The following IGSF11 variants were observed in gnomAD, a reference collection of about 807,000 sequenced individuals.
IGSF11 encodes the protein immunoglobulin superfamily member 11, also known as CXADR like 1.
A neutral mutation model predicts 41.0 loss-of-function variants in IGSF11; 22 were observed. The observed-to-expected ratio is 0.54, with a 90% confidence interval of 0.38 to 0.77. The LOEUF is 0.77. IGSF11 is among the 30% of genes least tolerant of loss of function. The pLI, the probability that IGSF11 is intolerant of heterozygous loss-of-function variation, is 0.00. For missense variants in IGSF11, 444 were observed against 530.8 expected (o/e 0.84, Z 1.61); for synonymous variants, 219 against 201.3 (o/e 1.09, Z -0.74).
chr3:119,059,474 A>G lies in IGSF11; in HGVS notation c.49+45670T>C, dbSNP rs1186805159. 2.6e-5 allele frequency among the ~76,000 whole-genome samples: 4 copies of G among 152,208 alleles called. No individual in the cohort carries two copies. The East Asian group carries it at 7.7e-4, about 29-fold the overall frequency. On this transcript the variant is annotated intron_variant, in intron 1 of 6. Coordinates refer to the IGSF11 transcript ENST00000354673. ...GGGTTCAGTGTACACTGCTCGGATG[A>G]TGGATGCACCAAAATGTCAGAATTC... is the stretch of plus-strand genomic sequence containing the variant.
chr3:118,950,471 T>C (rs1199616540), intron 1 of IGSF11, among the ~76,000 whole-genome samples: 3 of 152,156 alleles, frequency 2.0e-5, no homozygotes, highest in African/African-American at 7.2e-5. Context: ...TAAGGTAATA[T>C]GCCTTTTATA....
intron 1 of IGSF11, among the ~76,000 whole-genome samples, chr3:119,094,672 T>A: frequency 2.8e-5 from 1 of 35,946 alleles, no homozygotes; most frequent in African/African-American, 7.0e-5. Flanking sequence ...AGCAACTCTA[T>A]TTTTTTTTTT....
chr3:118,918,603 A>C (rs1941423189), intron 4 of IGSF11, among the ~76,000 whole-genome samples: 1 of 136,792 alleles, frequency 7.3e-6, no homozygotes. Flanking sequence ...TCAATGAAAT[A>C]AAAGAGGATA....
rs571170383 is a variant in IGSF11, at chr3:119,128,483, G to A, written c.-14+17330C>T. 1.2e-3 allele frequency among the ~76,000 whole-genome samples: 181 copies of A among 152,240 alleles called. 1 individual carries two copies. Among genetic ancestry groups the A allele is most frequent in the African/African-American group, 4.2e-3 (173 of 41,562 alleles). ...GGCAAAAAAGGAGTCAAGACCCATT[G>A]GCGTGCTGTATTCAGGAGAAGCATC... is the stretch of plus-strand genomic sequence containing the variant. On this transcript the variant is annotated intron_variant, in intron 1 of 7. Coordinates refer to the IGSF11 transcript ENST00000425327.
chr3:119,011,365 G>T (rs2107694047), intron 1 of IGSF11, among the ~76,000 whole-genome samples: 1 of 152,248 alleles, frequency 6.6e-6, no homozygotes, highest in East Asian at 1.9e-4. Flanking sequence ...AAGAGAAGGA[G>T]AACATCAAAT....
At chr3:118,907,734 A>C (rs1387468819) in intron 4 of IGSF11, among the ~76,000 whole-genome samples, 1 of 152,170 alleles carries the variant, frequency 6.6e-6, no homozygotes, top group Non-Finnish European at 1.5e-5. Flanking sequence ...AAAGCTATGA[A>C]ATTTGTCCAA....
chr3:119,008,219 C>G (rs1937644848), intron 1 of IGSF11, among the ~76,000 whole-genome samples: 1 of 125,190 alleles, frequency 8.0e-6, no homozygotes, highest in Non-Finnish European at 1.6e-5. Context: ...TCAGAAATCT[C>G]CACAAAAGAA....
chr3:119,100,956 T>C (rs2076929481), intron 1 of IGSF11, among the ~76,000 whole-genome samples: 1 of 151,994 alleles, frequency 6.6e-6, no homozygotes, highest in African/African-American at 2.4e-5. Flanking sequence ...GGGGAATCAG[T>C]ATATCCCATC....
rs201922138 is a variant in IGSF11 at position 119,110,328 on chromosome 3, C to T, written c.-13-5123G>A. ...GTTAGCTCTTCTTGTTGAATTGATCCCTTTAGCATTATGTAATGGCCTTCT... is the reference window on the plus strand; with the variant it reads ...GTTAGCTCTTCTTGTTGAATTGATCTCTTTAGCATTATGTAATGGCCTTCT... On this transcript the variant is annotated intron_variant, in intron 1 of 7. Transcript: ENST00000425327. Among the ~76,000 whole-genome samples the T allele has an allele frequency of 0.015, 2,255 of 151,836 alleles. 91 individuals carry two copies. The East Asian group carries it at 0.15, about 10-fold the overall frequency.
chr3:118,926,102 C>T lies in IGSF11; in HGVS notation c.579G>A (p.Gln193=). ...NTLKLPPTAT[Q]DQVQGTVTIR... The stretch of plus-strand genomic sequence containing the variant: ...TGGGTAAAGCAGCACTGTACATACC[C>T]TGAGTAGCTGTTGGAGGTAGTTTGA... Residue 193 remains glutamine, a splice_region_variant and synonymous_variant, in exon 4 of 7, where the codon CAG becomes CAA. Coordinates refer to ENST00000393775, the MANE Select transcript of IGSF11 (RefSeq NM_001015887.3). The T allele has an allele frequency of 1.2e-6, 2 of 1,602,728 alleles. No homozygotes were observed. Among genetic ancestry groups the T allele is most frequent in the Non-Finnish European group, 1.7e-6 (2 of 1,173,172 alleles).
chr3:118,971,294 C>A (rs910821705), intron 1 of IGSF11, among the ~76,000 whole-genome samples: 6 of 151,878 alleles, frequency 4.0e-5, no homozygotes, highest in African/African-American at 1.2e-4. Context: ...AATCTAGTAA[C>A]AGAAAATAAA....
At chr3:119,032,922 T>C (rs1028039540) in intron 1 of IGSF11, among the ~76,000 whole-genome samples, 4 of 152,212 alleles carry the variant, frequency 2.6e-5, no homozygotes, top group Admixed American at 6.5e-5. Flanking sequence ...TCTGTAAATA[T>C]CTGTTGAACA....
At chr3:119,058,805 T>A (rs1941950350) in intron 1 of IGSF11, among the ~76,000 whole-genome samples, 1 of 152,098 alleles carries the variant, frequency 6.6e-6, no homozygotes, top group Admixed American at 6.5e-5. Context: ...TAAAAAATGA[T>A]GAGTTCATGT....
At position 118,982,399 on chromosome 3, in the gene IGSF11, G is replaced by C. The variant is rs576792132; in HGVS notation, c.53-52124C>G. On this transcript the variant is annotated intron_variant, in intron 1 of 6. Coordinates refer to ENST00000393775, the MANE Select transcript of IGSF11 (RefSeq NM_001015887.3). ...TTACGTTTTCTCCTCCATACCCTTT[G>C]ATAAAATCTTCTCCCAAAAAAAGGA... Among the ~76,000 whole-genome samples the C allele has an allele frequency of 5.3e-5, 8 of 152,144 alleles. No homozygotes were observed. The East Asian group carries it at 1.5e-3, about 29-fold the overall frequency.
At chr3:119,051,152 T>C (rs1358283913) in intron 1 of IGSF11, among the ~76,000 whole-genome samples, 2 of 149,856 alleles carry the variant, frequency 1.3e-5, no homozygotes, top group South Asian at 2.1e-4. Context: ...ATAATAATAA[T>C]TAATAAATAA....
chr3:118,957,860 G>A lies in IGSF11; in HGVS notation c.53-27585C>T, dbSNP rs953570653. On this transcript the variant is annotated intron_variant, in intron 1 of 6. Coordinates refer to ENST00000393775, the MANE Select transcript of IGSF11 (RefSeq NM_001015887.3). ...AACTTGACCAAGGATAAAATAACTA[G>A]CATTCCTTTCTTTGCCTCCAAAAAG... Among the ~76,000 whole-genome samples the A allele has an allele frequency of 3.3e-5, 5 of 152,306 alleles. 1 individual carries two copies. The highest frequency in any genetic ancestry group is 1.9e-4 in the East Asian group (1 of 5,188).
intron 1 of IGSF11, among the ~76,000 whole-genome samples, chr3:118,974,086 C>A (rs1310949498): frequency 6.6e-6 from 1 of 151,106 alleles, no homozygotes; most frequent in Admixed American, 6.6e-5. Flanking sequence ...ACATCCTGCA[C>A]GTGTATCCCA....
At chr3:119,057,159 A>T (rs1382330731) in intron 1 of IGSF11, among the ~76,000 whole-genome samples, 1 of 152,174 alleles carries the variant, frequency 6.6e-6, no homozygotes, top group Non-Finnish European at 1.5e-5. Flanking sequence ...AGGGTATTCA[A>T]TTAGGAAAAG....
intron 4 of IGSF11, among the ~76,000 whole-genome samples, chr3:118,914,307 C>T (rs1332596361): frequency 6.6e-6 from 1 of 152,040 alleles, no homozygotes; most frequent in South Asian, 2.1e-4. Flanking sequence ...GTGAGCGACG[C>T]AGAAGACGGG....
Sources: allele counts gnomAD v4.1 joint callset (sites outside exome capture counted in the v4.1 genomes callset), GRCh38; gene constraint gnomAD v4.1.1; transcripts MANE v1.5; gene names NCBI Gene and HGNC (gene_info 2026-07-23, HGNC 2026-07-21).